Variants in NFASC observed in about 807,000 individuals in gnomAD.
NFASC encodes neurofascin homolog.
A neutral mutation model predicts 147.5 loss-of-function variants in NFASC; 43 were observed. That is an observed-to-expected ratio of 0.29 (90% CI 0.23 to 0.38). The LOEUF is 0.38. Ranked by LOEUF, NFASC falls within the 10% of genes least tolerant of loss-of-function variation. The pLI is 1.00. For synonymous variants in NFASC, 622 were observed against 665.5 expected (o/e 0.93, Z 1.01); for missense variants, 1,320 against 1,689.0 (o/e 0.78, Z 3.83).
At chr1:204,854,384 C>T (rs2075976486) in intron 1 of NFASC, among the ~76,000 whole-genome samples, 1 of 152,138 alleles carries the variant, frequency 6.6e-6, no homozygotes, top group Non-Finnish European at 1.5e-5. Context: ...TTGCCTTCCC[C>T]CACCCTCCTG....
At chr1:204,931,040 C>T (rs2092323007) in intron 2 of NFASC, among the ~76,000 whole-genome samples, 1 of 151,660 alleles carries the variant, frequency 6.6e-6, no homozygotes, top group African/African-American at 2.4e-5. Context: ...AGAGGCTAGG[C>T]CCAGGCAGGA....
intron 26 of NFASC, 26 bp from the exon 27 acceptor site, chr1:205,002,570 G>A: frequency 6.9e-7 from 1 of 1,451,674 alleles, no homozygotes; most frequent in African/African-American, 1.4e-5. Context: ...CCTGGCTCTA[G>A]GCTGATTGAG....
intron 3 of NFASC, among the ~76,000 whole-genome samples, chr1:204,949,214 C>A (rs909264087): frequency 3.9e-5 from 6 of 152,206 alleles, no homozygotes; most frequent in African/African-American, 4.8e-5. Context: ...TACGGCAGGG[C>A]CCTTGTCCTG....
chr1:204,889,948 A>G (rs963908832), intron 1 of NFASC, among the ~76,000 whole-genome samples: 1 of 152,140 alleles, frequency 6.6e-6, no homozygotes, highest in Non-Finnish European at 1.5e-5. Context: ...CCGGCAGCCG[A>G]CTTCTCTTTC....
intron 26 of NFASC, among the ~76,000 whole-genome samples, chr1:205,002,188 C>T (rs1404045985): frequency 6.6e-6 from 1 of 152,196 alleles, no homozygotes; most frequent in Admixed American, 6.5e-5. Context: ...GACAGAGTCC[C>T]AGCTCATCTC....
At chr1:204,983,986 T>C in intron 21 of NFASC, 2 of 1,406,152 alleles carry the variant, frequency 1.4e-6, no homozygotes, top group Admixed American at 1.7e-5. Flanking sequence ...AACTGTAGAG[T>C]CCTGCCTGCA....
In NFASC at chr1:204,988,726, A is replaced by G. The variant is rs777020481; in HGVS notation, c.2687A>G (p.Tyr896Cys). 2 of 1,614,202 alleles carry G rather than the reference A, an allele frequency of 1.2e-6. No homozygotes were observed. The highest frequency in any genetic ancestry group is 2.2e-5 in the South Asian group (2 of 91,076). The change falls in exon 23 of 30, where the codon TAC (tyrosine) becomes TGC (cysteine). Residue 896 changes from tyrosine to cysteine, a missense_variant. Physicochemically the swap from Tyr to Cys is radical, Grantham distance 194 (BLOSUM62 -2). Around this residue, in one of 3 missense-constraint regions of NFASC, gnomAD observed 981 missense variants for 1,289.5 expected, o/e 0.76. Coordinates refer to ENST00000339876, the MANE Select transcript of NFASC (RefSeq NM_001005388.3). Reference protein sequence around the residue: ...TVQRTDPVSRYRFTLSARTQV... With the variant: ...TVQRTDPVSRCRFTLSARTQV... ...CAAAGAACGGACCCCGTGTCACGCT[A>G]CCGCTTTACCCTCAGCGCCAGGACG...
At chr1:204,880,252 T>C (rs770901948) in intron 1 of NFASC, among the ~76,000 whole-genome samples, 3 of 152,190 alleles carry the variant, frequency 2.0e-5, no homozygotes, top group Non-Finnish European at 4.4e-5. Context: ...AACACTGAAG[T>C]GAGGCCCAGT....
chr1:204,944,204 GC>G, intron 2 of NFASC, 21 bp from the exon 3 acceptor site: 1 of 1,543,264 alleles, frequency 6.5e-7, no homozygotes, highest in Non-Finnish European at 8.7e-7. Context: ...AAACTCACTT[GC>G]TCTTATGTTT....
intron 1 of NFASC, among the ~76,000 whole-genome samples, chr1:204,891,453 C>A (rs2082369561): frequency 6.6e-6 from 1 of 152,134 alleles, no homozygotes; most frequent in African/African-American, 2.4e-5. Context: ...CTGAATAGGT[C>A]CTACTTTATC....
intron 1 of NFASC, among the ~76,000 whole-genome samples, chr1:204,854,838 A>C (rs1156604067): frequency 6.6e-6 from 1 of 152,174 alleles, no homozygotes; most frequent in East Asian, 1.9e-4. Context: ...TCCTGGCCTC[A>C]CTCTGGGCTA....
At chr1:204,835,753 G>A (rs776310360) in intron 1 of NFASC, among the ~76,000 whole-genome samples, 17 of 152,080 alleles carry the variant, frequency 1.1e-4, no homozygotes, top group African/African-American at 2.4e-4. Flanking sequence ...TTCTAACCTC[G>A]TTGCACTGCT....
intron 2 of NFASC, among the ~76,000 whole-genome samples, chr1:204,925,176 G>T (rs1047139320): frequency 7.2e-5 from 11 of 152,202 alleles, no homozygotes; most frequent in African/African-American, 2.7e-4. Flanking sequence ...AATAGTTTTT[G>T]AATGCCAGCT....
At chr1:204,846,222 G>A (rs1677000915) in intron 1 of NFASC, among the ~76,000 whole-genome samples, 1 of 151,610 alleles carries the variant, frequency 6.6e-6, no homozygotes, top group African/African-American at 2.4e-5. Context: ...AAGAGGGCCA[G>A]GGAGGGTAAG....
chr1:204,855,223 G>T (rs2076050994), intron 1 of NFASC, among the ~76,000 whole-genome samples: 1 of 152,182 alleles, frequency 6.6e-6, no homozygotes, highest in South Asian at 2.1e-4. Context: ...TACCTCAAGG[G>T]CATTATCTTA....
chr1:204,965,609 C>T (rs1462222227), intron 8 of NFASC, among the ~76,000 whole-genome samples: 1 of 152,128 alleles, frequency 6.6e-6, no homozygotes, highest in East Asian at 1.9e-4. Context: ...TTAATAGCCA[C>T]TGAGGAGAGG....
intron 1 of NFASC, among the ~76,000 whole-genome samples, chr1:204,882,500 A>G (rs1031706625): frequency 6.6e-6 from 1 of 151,662 alleles, no homozygotes; most frequent in African/African-American, 2.4e-5. Flanking sequence ...TGACCACCCT[A>G]TGTAAAATCT....
intron 1 of NFASC, among the ~76,000 whole-genome samples, chr1:204,845,074 T>C (rs1365416035): frequency 3.9e-5 from 6 of 152,194 alleles, no homozygotes; most frequent in Non-Finnish European, 7.3e-5. Flanking sequence ...TTCCCCCTAC[T>C]TCCCTCTGTG....
chr1:204,860,136 C>T lies in NFASC; in HGVS notation c.-200+31354C>T, dbSNP rs76582801. Reference sequence around the variant, plus strand: ...CTCCTTCCCAGCCTACAGGCTCACACCCTGATGGCCCAGGAGAGATAGCAG... The same window carrying T: ...CTCCTTCCCAGCCTACAGGCTCACATCCTGATGGCCCAGGAGAGATAGCAG... On this transcript the variant is annotated intron_variant, in intron 1 of 29. Coordinates refer to ENST00000339876, the MANE Select transcript of NFASC (RefSeq NM_001005388.3). 3.2e-3 allele frequency among the ~76,000 whole-genome samples: 480 copies of T among 152,280 alleles called. 2 individuals are homozygous for T. The highest frequency in any genetic ancestry group is 0.011 in the African/African-American group (456 of 41,548).
Sources: allele counts gnomAD v4.1 joint callset (sites outside exome capture counted in the v4.1 genomes callset), GRCh38; gene constraint gnomAD v4.1.1; regional missense constraint gnomAD v4.1.1; transcripts MANE v1.5; gene names NCBI Gene and HGNC (gene_info 2026-07-23, HGNC 2026-07-21).